The following NCAM1 variants were observed in gnomAD, a reference collection of about 807,000 sequenced individuals.
The protein encoded by NCAM1 is neural cell adhesion molecule 1.
A neutral mutation model predicts 109.8 loss-of-function variants in NCAM1; 14 were observed. The ratio of observed to expected loss-of-function variants is 0.13; its 90% CI spans 0.08 to 0.20. NCAM1 has a LOEUF of 0.20. Among genes scored for constraint, NCAM1 ranks in the 10% least tolerant of loss-of-function variants. The pLI is 1.00. For synonymous variants in NCAM1, 418 were observed against 442.9 expected, an observed-to-expected ratio of 0.94 and a Z score of 0.70; for missense variants, 774 against 1,109.9, an observed-to-expected ratio of 0.70 and a Z score of 4.30.
chr11:113,026,040 AC>A (rs1334553835), intron 1 of NCAM1, among the ~76,000 whole-genome samples: 2 of 152,156 alleles, frequency 1.3e-5, no homozygotes, highest in Non-Finnish European at 2.9e-5. Context: ...GTGCTCAAGA[AC>A]CCTTATTAAG....
intron 1 of NCAM1, among the ~76,000 whole-genome samples, chr11:113,161,285 C>A (rs1942592495): frequency 1.3e-5 from 2 of 152,190 alleles, no homozygotes; most frequent in South Asian, 4.1e-4. Context: ...CGTTTTACTT[C>A]TTTCTTCAGA....
chr11:113,153,739 G>A (rs1334799089), intron 1 of NCAM1, among the ~76,000 whole-genome samples: 10 of 152,200 alleles, frequency 6.6e-5, no homozygotes, highest in African/African-American at 2.4e-4. Context: ...AGGTGGCAGT[G>A]AGGGTAATGG....
intron 1 of NCAM1, among the ~76,000 whole-genome samples, chr11:113,044,375 A>G (rs894233332): frequency 6.6e-6 from 1 of 152,116 alleles, no homozygotes; most frequent in Non-Finnish European, 1.5e-5. Context: ...ACACATACAC[A>G]CATACATGCT....
chr11:112,967,604 T>G (rs1555065823), intron 1 of NCAM1, among the ~76,000 whole-genome samples: 1 of 152,228 alleles, frequency 6.6e-6, no homozygotes. Flanking sequence ...TCTTAGGACT[T>G]CAGTGCATGT....
chr11:113,195,784 G>T (rs916145046), intron 1 of NCAM1, among the ~76,000 whole-genome samples: 2 of 151,828 alleles, frequency 1.3e-5, no homozygotes, highest in Non-Finnish European at 2.9e-5. Flanking sequence ...GGAACTACAG[G>T]TGTGAGCCAC....
At chr11:113,193,351 C>A (rs1232689084) in intron 1 of NCAM1, among the ~76,000 whole-genome samples, 2 of 152,166 alleles carry the variant, frequency 1.3e-5, no homozygotes, top group African/African-American at 4.8e-5. Flanking sequence ...TTAAGATGCT[C>A]CAGCGGGCTC....
At chr11:113,020,290 G>A (rs1226842946) in intron 1 of NCAM1, among the ~76,000 whole-genome samples, 3 of 152,156 alleles carry the variant, frequency 2.0e-5, no homozygotes, top group Non-Finnish European at 4.4e-5. Context: ...TGACCATCAG[G>A]AAGAGGCTGG....
At chr11:113,007,269 A>C (rs929341446) in intron 1 of NCAM1, among the ~76,000 whole-genome samples, 1 of 152,074 alleles carries the variant, frequency 6.6e-6, no homozygotes. Context: ...CTCATGGCTC[A>C]TTGTAGCCTC....
chr11:113,256,133 T>C, intron 16 of NCAM1, 132 bp downstream of exon 16: 1 of 1,231,308 alleles, frequency 8.1e-7, no homozygotes, highest in Admixed American at 2.6e-5. Flanking sequence ...AGGTGGCCCA[T>C]GGGCCCTGGC....
intron 1 of NCAM1, among the ~76,000 whole-genome samples, chr11:113,035,311 C>T (rs1256998209): frequency 1.3e-5 from 2 of 152,156 alleles, no homozygotes; most frequent in Non-Finnish European, 2.9e-5. Context: ...TTATATGACA[C>T]ATCTCACCTT....
At chr11:112,984,703 A>T (rs1418748313) in intron 1 of NCAM1, among the ~76,000 whole-genome samples, 1 of 151,884 alleles carries the variant, frequency 6.6e-6, no homozygotes, top group Non-Finnish European at 1.5e-5. Flanking sequence ...ATGTGTTTTT[A>T]GGAAAAATGT....
intron 1 of NCAM1, among the ~76,000 whole-genome samples, chr11:113,155,070 C>T (rs556031822): frequency 3.9e-5 from 6 of 152,078 alleles, no homozygotes; most frequent in Non-Finnish European, 5.9e-5. Flanking sequence ...GTGCATAGAA[C>T]GAAAAGATGC....
At chr11:113,112,708 C>G (rs1347567836) in intron 1 of NCAM1, among the ~76,000 whole-genome samples, 25 of 152,212 alleles carry the variant, frequency 1.6e-4, no homozygotes, top group Admixed American at 1.6e-3. Context: ...CCAGCCTTCT[C>G]TGTTCCCCAC....
chr11:113,215,319 G>A (rs1260542531), intron 8 of NCAM1, among the ~76,000 whole-genome samples: 2 of 149,568 alleles, frequency 1.3e-5, no homozygotes, highest in African/African-American at 2.4e-5. Flanking sequence ...CCGTCTTATG[G>A]TACTTCTCCA....
chr11:113,170,497 T>C lies in NCAM1; in HGVS notation c.53-31882T>C, dbSNP rs187303240. ...GCACTGGCTAGATGTTAAGAAGATATGAAAAAATGCAGGCTTATGTCCTCA... is the reference window on the plus strand; with the variant it reads ...GCACTGGCTAGATGTTAAGAAGATACGAAAAAATGCAGGCTTATGTCCTCA... On this transcript the variant is annotated intron_variant, in intron 1 of 19. Coordinates refer to ENST00000316851, the MANE Select transcript of NCAM1 (RefSeq NM_181351.5). 3.0e-4 allele frequency among the ~76,000 whole-genome samples: 46 copies of C among 152,246 alleles called. No homozygotes were observed. In the South Asian group the frequency reaches 5.4e-3, roughly 18 times the overall value.
At chr11:113,111,448 A>G (rs1940440236) in intron 1 of NCAM1, among the ~76,000 whole-genome samples, 1 of 152,214 alleles carries the variant, frequency 6.6e-6, no homozygotes, top group Non-Finnish European at 1.5e-5. Flanking sequence ...CGTATGTATG[A>G]TGTTTGAGAA....
chr11:113,188,834 A>AGTGTGT (rs144748025), intron 1 of NCAM1, among the ~76,000 whole-genome samples: 2,565 of 150,584 alleles, frequency 0.017, 74 homozygotes, highest in African/African-American at 0.059. Context: ...TGTGAGTGTG[A>AGTGTGT]GTGTGTGTGT....
chr11:113,110,329 C>A (rs1403908549), intron 1 of NCAM1, among the ~76,000 whole-genome samples: 1 of 152,170 alleles, frequency 6.6e-6, no homozygotes, highest in African/African-American at 2.4e-5. Context: ...AAACTCATTT[C>A]ACCCCAGAAT....
chr11:112,989,038 A>C (rs958667990), intron 1 of NCAM1, among the ~76,000 whole-genome samples: 1 of 152,088 alleles, frequency 6.6e-6, no homozygotes, highest in African/African-American at 2.4e-5. Context: ...ATGAACCACT[A>C]CACCTGGCTG....
Sources: allele counts gnomAD v4.1 joint callset (sites outside exome capture counted in the v4.1 genomes callset), GRCh38; gene constraint gnomAD v4.1.1; transcripts MANE v1.5; gene names NCBI Gene and HGNC (gene_info 2026-07-23, HGNC 2026-07-21).